Variants in GPC5 observed in about 807,000 individuals in gnomAD.
GPC5 encodes the protein glypican 5.
A neutral mutation model predicts 53.9 loss-of-function variants in GPC5; 47 were observed. That is an observed-to-expected ratio of 0.87 (90% CI 0.69 to 1.11). The LOEUF is 1.11. GPC5 is among the 50% of genes most tolerant of loss of function. The pLI is 0.00. For missense variants in GPC5, 748 were observed against 713.1 expected (o/e 1.05, Z -0.56); for synonymous variants, 286 against 263.3 (o/e 1.09, Z -0.84).
At chr13:92,069,979 C>G (rs2041197710) in intron 6 of GPC5, among the ~76,000 whole-genome samples, 1 of 152,266 alleles carries the variant, frequency 6.6e-6, no homozygotes, top group African/African-American at 2.4e-5. Context: ...AATCATGAAT[C>G]ATATTAAAAG....
chr13:92,822,693 G>A (rs572343823), intron 7 of GPC5, among the ~76,000 whole-genome samples: 2 of 152,154 alleles, frequency 1.3e-5, no homozygotes, highest in East Asian at 3.9e-4. Flanking sequence ...ATAGCATCAC[G>A]TACTTGGATA....
At chr13:91,855,032 A>G (rs976708972) in intron 5 of GPC5, among the ~76,000 whole-genome samples, 1 of 151,786 alleles carries the variant, frequency 6.6e-6, no homozygotes, top group Non-Finnish European at 1.5e-5. Context: ...GCATATACCA[A>G]TTGATGGTAA....
chr13:92,248,097 C>T (rs1351353934), intron 7 of GPC5, among the ~76,000 whole-genome samples: 1 of 151,986 alleles, frequency 6.6e-6, no homozygotes, highest in African/African-American at 2.4e-5. Context: ...TGTGCAACCT[C>T]TGCAAGTCCA....
chr13:92,474,544 C>G (rs762704278), intron 7 of GPC5, among the ~76,000 whole-genome samples: 20 of 151,742 alleles, frequency 1.3e-4, no homozygotes, highest in Non-Finnish European at 2.2e-4. Flanking sequence ...GCTTGCTTCT[C>G]ATGGGCAGTA....
Position 91,664,565 on chromosome 13 carries a change from C to T in GPC5, c.326-28622C>T, listed in dbSNP as rs546318926. On this transcript the variant is annotated intron_variant, in intron 2 of 7. Transcript: ENST00000377067. ...TACTTTTTCAAATACTAAATGATGG[C>T]GTTTTTCTAAATTTATACTCTGTAA... is the stretch of plus-strand genomic sequence containing the variant. Among the ~76,000 whole-genome samples the T allele has an allele frequency of 4.6e-5, 7 of 152,236 alleles. 1 individual carries two copies. In the South Asian group the frequency reaches 6.2e-4, roughly 14 times the overall value.
intron 7 of GPC5, among the ~76,000 whole-genome samples, chr13:92,597,634 G>A (rs3803206): frequency 6.6e-6 from 1 of 151,948 alleles, no homozygotes; most frequent in African/African-American, 2.4e-5. Flanking sequence ...TCCAAATAAT[G>A]CCAAGGAAAC....
At chr13:92,414,031 A>G (rs78978767) in intron 7 of GPC5, among the ~76,000 whole-genome samples, 14,735 of 152,122 alleles carry the variant, frequency 0.097, 974 homozygotes, top group East Asian at 0.32. Flanking sequence ...TGATTAGTGG[A>G]GTGAATTGGA....
At chr13:92,693,059 TC>T (rs1306674247) in intron 7 of GPC5, among the ~76,000 whole-genome samples, 1 of 152,088 alleles carries the variant, frequency 6.6e-6, no homozygotes, top group African/African-American at 2.4e-5. Flanking sequence ...TCTCTCTCTG[TC>T]CTGCTGTCAT....
intron 7 of GPC5, among the ~76,000 whole-genome samples, chr13:92,856,612 C>T (rs546421631): frequency 6.6e-6 from 1 of 152,066 alleles, no homozygotes; most frequent in Non-Finnish European, 1.5e-5. Flanking sequence ...GTCTCCTAAA[C>T]CTGATAAGCA....
In GPC5 at chr13:91,837,124, C is replaced by T. The variant is rs546246577; in HGVS notation, c.1281-70813C>T. Among the ~76,000 whole-genome samples, 6 of 150,958 alleles carry T rather than the reference C, an allele frequency of 4.0e-5. No individual in the cohort carries two copies. The East Asian group carries it at 1.2e-3, about 29-fold the overall frequency. ...GAAATATACATATATCTCTCTTACT[C>T]CCAAGGCAAATTAAAATTTTCTAAA... On this transcript the variant is annotated intron_variant, in intron 5 of 7. Coordinates refer to ENST00000377067, the MANE Select transcript of GPC5 (RefSeq NM_004466.6).
intron 7 of GPC5, among the ~76,000 whole-genome samples, chr13:92,588,449 C>G (rs369864968): frequency 6.6e-6 from 1 of 152,326 alleles, no homozygotes; most frequent in Non-Finnish European, 1.5e-5. Context: ...CACTGCTACC[C>G]ACTGTTTTGT....
At chr13:91,914,910 G>A (rs897768604) in intron 6 of GPC5, among the ~76,000 whole-genome samples, 2 of 152,078 alleles carry the variant, frequency 1.3e-5, no homozygotes, top group Admixed American at 6.5e-5. Context: ...ATTGTTAATA[G>A]CCTATGATAG....
Position 92,173,545 on chromosome 13 carries a change from C to A in GPC5, c.1561+28556C>A, listed in dbSNP as rs1360630319. On this transcript the variant is annotated intron_variant, in intron 7 of 7. Coordinates refer to ENST00000377067, the MANE Select transcript of GPC5 (RefSeq NM_004466.6). ...GTTCTTCCTCTTAATGAAATACTTT[C>A]TATCAAAATTACTTATTCAAATTTT... Among the ~76,000 whole-genome samples the A allele has an allele frequency of 2.0e-5, 3 of 152,160 alleles. No homozygotes were observed. The South Asian group carries it at 6.2e-4, about 31-fold the overall frequency.
At chr13:92,529,789 C>T (rs542277420) in intron 7 of GPC5, among the ~76,000 whole-genome samples, 17 of 152,186 alleles carry the variant, frequency 1.1e-4, no homozygotes, top group African/African-American at 3.6e-4. Context: ...ATTAACAACA[C>T]GTTATAAATA....
At chr13:91,857,192 G>T (rs2038976305) in intron 5 of GPC5, among the ~76,000 whole-genome samples, 1 of 151,208 alleles carries the variant, frequency 6.6e-6, no homozygotes, top group Admixed American at 6.6e-5. Flanking sequence ...CCCAATTCAT[G>T]CTTCATCATG....
intron 5 of GPC5, among the ~76,000 whole-genome samples, chr13:91,881,202 C>T (rs72650906): frequency 0.29 from 43,732 of 151,928 alleles, 6,736 homozygotes; most frequent in Middle Eastern, 0.32. Flanking sequence ...AAAGGTGTCT[C>T]ATTTTTTAAA....
intron 1 of GPC5, among the ~76,000 whole-genome samples, chr13:91,412,027 C>G (rs1877832233): frequency 6.6e-6 from 1 of 152,180 alleles, no homozygotes; most frequent in Admixed American, 6.5e-5. Flanking sequence ...CCACCCTTTC[C>G]TCTTACCCCT....
chr13:91,614,147 A>G (rs1325012886), intron 2 of GPC5, among the ~76,000 whole-genome samples: 3 of 152,194 alleles, frequency 2.0e-5, no homozygotes, highest in Non-Finnish European at 4.4e-5. Context: ...GAGGTTTGAG[A>G]GTCGAGTGGG....
chr13:92,760,472 T>C lies in GPC5; in HGVS notation c.1562-105810T>C, dbSNP rs1481789137. ...AAATATCTTCACATGCAATTTTTCA[T>C]AATAGTCTCTTATGATCCTTTCTTT... On this transcript the variant is annotated intron_variant, in intron 7 of 7. Coordinates refer to ENST00000377067, the MANE Select transcript of GPC5 (RefSeq NM_004466.6). Among the ~76,000 whole-genome samples, 2 of 152,122 alleles carry C rather than the reference T, an allele frequency of 1.3e-5. 1 individual carries two copies. Among genetic ancestry groups the C allele is most frequent in the Non-Finnish European group, 2.9e-5 (2 of 67,974 alleles).
Sources: allele counts gnomAD v4.1 joint callset (sites outside exome capture counted in the v4.1 genomes callset), GRCh38; gene constraint gnomAD v4.1.1; transcripts MANE v1.5; gene names NCBI Gene and HGNC (gene_info 2026-07-23, HGNC 2026-07-21).